Variants in ASGR2 observed in about 807,000 individuals in gnomAD.
ASGR2 encodes the protein asialoglycoprotein receptor 2, also known as C-type lectin domain family 4 member H2.
ASGR2 carries 34 observed loss-of-function variants against 32.3 expected under a neutral mutation model. The observed-to-expected ratio is 1.05, with a 90% CI of 0.80 to 1.40. The LOEUF (loss-of-function observed/expected upper bound fraction) is 1.40, where lower values mean the gene tolerates loss of function less well. ASGR2 is among the 40% of genes most tolerant of loss of function. The pLI is 0.00. For synonymous variants in ASGR2, 143 were observed against 150.0 expected (o/e 0.95, Z 0.34); for missense variants, 385 against 386.4 (o/e 1.00, Z 0.03).
intron 7 of ASGR2, among the ~76,000 whole-genome samples, chr17:7,104,820 A>T (rs1913416942): frequency 6.6e-6 from 1 of 151,750 alleles, no homozygotes; most frequent in Non-Finnish European, 1.5e-5. Context: ...ACTAAAAAAT[A>T]TAAAAGTTAG....
intron 2 of ASGR2, among the ~76,000 whole-genome samples, chr17:7,111,785 A>G (rs902521436): frequency 2.6e-5 from 4 of 151,372 alleles, no homozygotes; most frequent in Admixed American, 6.6e-5. Context: ...GCACTTTGGG[A>G]GGTCGACACG....
Position 7,114,678 on chromosome 17 carries a change from G to A in ASGR2, c.-134C>T. 9.8e-7 allele frequency: 1 copy of A among 1,023,870 alleles called. No individual in the cohort carries two copies. Among genetic ancestry groups the A allele is most frequent in the Non-Finnish European group, 1.2e-6 (1 of 852,892 alleles). The allele number at this position is 1,023,870 out of a possible 1,614,324, so 63.4% of individuals were successfully genotyped here. A position where few individuals can be genotyped will look rare whatever the true frequency, so the allele number is the denominator to read the frequency against. On this transcript the variant is annotated 5_prime_UTR_variant, in exon 1 of 9. Transcript: ENST00000691900. The surrounding 1 kb of genome is among the most constrained non-coding windows in gnomAD (Gnocchi z 4.5). ...GGCAACCCTGGCCTTGGCCAAGGAG[G>A]GGTTAAAGCCAGGAGAACTGGGGCA...
chr17:7,114,855 T>C, upstream of ASGR2: 1 of 986,534 alleles, frequency 1.0e-6, no homozygotes, highest in Non-Finnish European at 1.2e-6. This position sits in a 1 kb window ranked among gnomAD's most constrained non-coding sequence, Gnocchi z 4.5. Flanking sequence ...GTAACTCATT[T>C]GTGGGGTGGG....
In ASGR2 at chr17:7,107,164, G is replaced by A. The variant is rs763622910; in HGVS notation, c.497-13C>T. ...GTCCTTTGGGAGCCTGAGGGGACAG[G>A]GGGCAGGGAGATGAGATCCAGCCGG... On this transcript the variant is annotated splice_polypyrimidine_tract_variant and intron_variant, in intron 6 of 8. Coordinates refer to ENST00000691900, the MANE Select transcript of ASGR2 (RefSeq NM_001201352.2). This position sits in a 1 kb window ranked among gnomAD's most constrained non-coding sequence, Gnocchi z 5.0. 1.2e-6 allele frequency: 2 copies of A among 1,614,204 alleles called. No homozygotes were observed. The highest frequency in any genetic ancestry group is 2.2e-5 in the South Asian group (2 of 91,086).
At chr17:7,103,221 A>G (rs1913109315) in intron 7 of ASGR2, among the ~76,000 whole-genome samples, 1 of 152,248 alleles carries the variant, frequency 6.6e-6, no homozygotes, top group African/African-American at 2.4e-5. Context: ...TAGAAAAACA[A>G]CTAAGGTTGC....
Position 7,108,559 on chromosome 17 carries a change from T to C in ASGR2, c.242-2A>G. The stretch of plus-strand genomic sequence containing the variant: ...GCAGCTCGGCTTGCAGCTGTGCACC[T>C]TGTCAGGTGGTAGTGGGGGCAGGAT... On this transcript the variant is annotated splice_acceptor_variant, in intron 3 of 8. Transcript: ENST00000691900. LOFTEE classifies it high-confidence loss of function. The surrounding 1 kb of genome is among the most constrained non-coding windows in gnomAD (Gnocchi z 4.9). 6.2e-7 allele frequency: 1 copy of C among 1,607,450 alleles called. No homozygotes were observed. The highest frequency in any genetic ancestry group is 1.7e-5 in the Admixed American group (1 of 58,834).
intron 8 of ASGR2, 102 bp downstream of exon 8, chr17:7,101,988 G>A: frequency 8.0e-7 from 1 of 1,253,032 alleles, no homozygotes; most frequent in Non-Finnish European, 1.2e-6. Context: ...GAGGATTGGG[G>A]AATTTGGTCC....
At chr17:7,109,571 G>A (rs1255622362) in intron 2 of ASGR2, among the ~76,000 whole-genome samples, 3 of 151,712 alleles carry the variant, frequency 2.0e-5, no homozygotes, top group East Asian at 3.9e-4. Flanking sequence ...TAGAAACCTC[G>A]TTCCACACTA....
Position 7,107,995 on chromosome 17 carries a change from G to T in ASGR2, c.338-88C>A, listed in dbSNP as rs1914083553. On this transcript the variant is annotated intron_variant, in intron 4 of 8. Coordinates refer to ENST00000691900, the MANE Select transcript of ASGR2 (RefSeq NM_001201352.2). The surrounding 1 kb of genome is among the most constrained non-coding windows in gnomAD (Gnocchi z 5.0). ...ACCGGGGGCCAGCGCCTCGTCCTGGGCGATGCAGGCGTCCACCTCCTGGCT... is the reference window on the plus strand; with the variant it reads ...ACCGGGGGCCAGCGCCTCGTCCTGGTCGATGCAGGCGTCCACCTCCTGGCT... 6.8e-6 allele frequency: 10 copies of T among 1,466,242 alleles called. No individual in the cohort carries two copies. Among genetic ancestry groups the T allele is most frequent in the South Asian group, 1.2e-5 (1 of 81,310 alleles). 90.8% of individuals were successfully genotyped at this position (1,466,242 alleles called of 1,614,324 possible). A position where few individuals can be genotyped will look rare whatever the true frequency, so the allele number is the denominator to read the frequency against.
At chr17:7,109,338 G>T (rs571275405) in intron 2 of ASGR2, among the ~76,000 whole-genome samples, 106 of 152,130 alleles carry the variant, frequency 7.0e-4, no homozygotes, top group African/African-American at 2.2e-3. Context: ...CTCTTCTAAG[G>T]CTCCTGTCCC....
At chr17:7,111,444 C>T (rs1268245352) in intron 2 of ASGR2, among the ~76,000 whole-genome samples, 1 of 151,690 alleles carries the variant, frequency 6.6e-6, no homozygotes, top group Non-Finnish European at 1.5e-5. Flanking sequence ...ATCATGAGGT[C>T]AGGAGATCGA....
Position 7,113,730 on chromosome 17 carries a change from CACAT to C in ASGR2, c.124+383_124+386del, listed in dbSNP as rs1223208917. ...CACTCTCACACACAACATACCCTCT[CACAT>C]ACACGACATACACACACACAACATA... On this transcript the variant is annotated intron_variant, in intron 2 of 8. Transcript: ENST00000691900. The surrounding 1 kb of genome is among the most constrained non-coding windows in gnomAD (Gnocchi z 5.1). Among the ~76,000 whole-genome samples the C allele has an allele frequency of 4.3e-5, 6 of 140,022 alleles. No individual in the cohort carries two copies. Among genetic ancestry groups the C allele is most frequent in the African/African-American group, 1.1e-4 (4 of 37,374 alleles). The allele number at this position is 140,022 out of a possible 152,430, so 91.9% of individuals were successfully genotyped here.
intron 7 of ASGR2, among the ~76,000 whole-genome samples, chr17:7,103,265 C>T (rs1046045020): frequency 6.6e-6 from 1 of 152,220 alleles, no homozygotes; most frequent in Non-Finnish European, 1.5e-5. Flanking sequence ...GCATCAGAAA[C>T]TGGGGCATCC....
intron 2 of ASGR2, among the ~76,000 whole-genome samples, chr17:7,112,559 G>A (rs1027369316): frequency 1.3e-5 from 2 of 152,186 alleles, no homozygotes; most frequent in Non-Finnish European, 2.9e-5. Flanking sequence ...TGTACCGGGT[G>A]CCGTGTGGGC....
At chr17:7,110,907 G>A (rs1227986441) in intron 2 of ASGR2, among the ~76,000 whole-genome samples, 1 of 152,190 alleles carries the variant, frequency 6.6e-6, no homozygotes, top group African/African-American at 2.4e-5. Flanking sequence ...AGAGTCTGCA[G>A]GTTACAGGCC....
chr17:7,108,280 T>C lies in ASGR2; in HGVS notation c.337+182A>G, dbSNP rs118035287. 2.7e-3 allele frequency among the ~76,000 whole-genome samples: 402 copies of C among 151,582 alleles called. No homozygotes were observed. Among genetic ancestry groups the C allele is most frequent in the Middle Eastern group, 6.8e-3 (2 of 294 alleles). ...ACCTCCGGGTGTCGCAGATCCAACC[T>C]CTCCACCTGGCACTAACCTCGTCCG... On this transcript the variant is annotated intron_variant, in intron 4 of 8. Transcript: ENST00000691900. This position sits in a 1 kb window ranked among gnomAD's most constrained non-coding sequence, Gnocchi z 4.9.
chr17:7,108,778 A>T lies in ASGR2; in HGVS notation c.235T>A (p.Ser79Thr). ...TGGCCCCCGTGACCCTCACTTTGGG[A>T]CCCAGTCACACAGATGACCACCAGC... ...LLLVVICVTG[S>T]QSAQLQAELR... Residue 79 changes from serine (S) to threonine (T), a missense_variant, in exon 3 of 9, where the codon TCC becomes ACC. Physicochemically the swap from Ser to Thr is moderately conservative, Grantham distance 58. Coordinates refer to ENST00000691900, the MANE Select transcript of ASGR2 (RefSeq NM_001201352.2). This position sits in a 1 kb window ranked among gnomAD's most constrained non-coding sequence, Gnocchi z 4.9. 6.2e-7 allele frequency: 1 copy of T among 1,613,762 alleles called. No individual in the cohort carries two copies. The highest frequency in any genetic ancestry group is 1.1e-5 in the South Asian group (1 of 91,040).
chr17:7,101,642 TCA>T lies in ASGR2; in HGVS notation c.852_853del (p.Asp284GlufsTer12). The stretch of plus-strand genomic sequence containing the variant: ...CCAGCGGTACACCTGCAGGCAGAAG[TCA>T]TCGTTCCAGCGGCCATCCGGCTGGA... On this transcript the variant is annotated frameshift_variant, in exon 9 of 9. Transcript: ENST00000691900. LOFTEE classifies it low-confidence loss of function (END_TRUNC). 6.2e-7 allele frequency: 1 copy of T among 1,614,194 alleles called. No homozygotes were observed. Among genetic ancestry groups the T allele is most frequent in the South Asian group, 1.1e-5 (1 of 91,080 alleles).
intron 2 of ASGR2, among the ~76,000 whole-genome samples, chr17:7,109,555 C>A (rs1467452194): frequency 6.6e-6 from 1 of 151,826 alleles, no homozygotes; most frequent in African/African-American, 2.4e-5. Context: ...TTTGCCCTCG[C>A]TTCCCTAGAA....
Sources: gnomAD v4.1 joint callset for allele counts (sites outside exome capture counted in the v4.1 genomes callset) on GRCh38, gnomAD v4.1.1 for gene constraint, Gnocchi (gnomAD v3.1) non-coding constraint, MANE v1.5 for transcripts, NCBI Gene and HGNC (gene_info 2026-07-23, HGNC 2026-07-21) for gene names.